Variants in GRAP2 observed in about 807,000 individuals in gnomAD.
The protein encoded by GRAP2 is GRB2 related adaptor protein 2.
A neutral mutation model predicts 43.5 loss-of-function variants in GRAP2; 31 were observed. That is an observed-to-expected ratio of 0.71 (90% confidence interval 0.54 to 0.96). GRAP2 has a LOEUF of 0.96. Among genes scored for constraint, GRAP2 ranks in the 40% least tolerant of loss-of-function variants. GRAP2 has a pLI of 0.00. For missense variants in GRAP2, 371 were observed against 424.4 expected, an observed-to-expected ratio of 0.87 and a Z score of 1.11; for synonymous variants, 156 against 164.8, an observed-to-expected ratio of 0.95 and a Z score of 0.41.
intron 1 of GRAP2, among the ~76,000 whole-genome samples, chr22:39,932,316 C>G (rs2066763481): frequency 6.6e-6 from 1 of 152,152 alleles, no homozygotes; most frequent in Non-Finnish European, 1.5e-5. Flanking sequence ...TGTATTTTAT[C>G]TGACAACCCT....
intron 1 of GRAP2, chr22:39,926,969 C>T (rs2066708633): frequency 9.8e-6 from 4 of 409,294 alleles, no homozygotes; most frequent in Non-Finnish European, 1.3e-5. Context: ...AGTTTGTCAC[C>T]CTGTGCTCAG....
intron 1 of GRAP2, among the ~76,000 whole-genome samples, chr22:39,939,263 C>T (rs909426592): frequency 3.3e-5 from 5 of 152,146 alleles, no homozygotes; most frequent in Admixed American, 2.0e-4. Context: ...GATCTCGAAC[C>T]TGAGAAGAAA....
intron 3 of GRAP2, among the ~76,000 whole-genome samples, chr22:39,956,469 T>G (rs1184856199): frequency 6.6e-6 from 1 of 151,542 alleles, no homozygotes; most frequent in Non-Finnish European, 1.5e-5. Context: ...TTTTAAGTTT[T>G]GGGTTTTTTT....
chr22:39,913,246 G>C (rs561058738), intron 1 of GRAP2, among the ~76,000 whole-genome samples: 1 of 151,706 alleles, frequency 6.6e-6, no homozygotes, highest in East Asian at 1.9e-4. Flanking sequence ...CTGGACACCA[G>C]GTATGAGCCC....
At chr22:39,951,933 C>G (rs934365571) in intron 2 of GRAP2, among the ~76,000 whole-genome samples, 1 of 151,780 alleles carries the variant, frequency 6.6e-6, no homozygotes, top group Admixed American at 6.6e-5. Flanking sequence ...GTGGGATAAT[C>G]TTTCAGTTTC....
chr22:39,926,606 A>T (rs2066701992), intron 1 of GRAP2: 3 of 985,252 alleles, frequency 3.0e-6, no homozygotes, highest in South Asian at 4.7e-5. Flanking sequence ...TCATAAAAGC[A>T]TTCTATGCTG....
rs373783351 is a variant in GRAP2 at position 39,955,958 on chromosome 22, C to T, written c.170+48C>T. The T allele has an allele frequency of 1.8e-5, 16 of 871,152 alleles. No homozygotes were observed. The African/African-American group carries it at 2.3e-4, about 13-fold the overall frequency. 54.0% of individuals were successfully genotyped at this position (871,152 alleles called of 1,614,324 possible). A position where few individuals can be genotyped will look rare whatever the true frequency, so the allele number is the denominator to read the frequency against. The stretch of plus-strand genomic sequence containing the variant: ...GATGGGCCTAGCCACACACACTCCT[C>T]TTACATTTCCAGCAGTCACTACAGT... On this transcript the variant is annotated intron_variant, in intron 3 of 7. Transcript: ENST00000344138.
At chr22:39,921,725 A>C (rs533244725) in intron 1 of GRAP2, among the ~76,000 whole-genome samples, 50 of 152,344 alleles carry the variant, frequency 3.3e-4, no homozygotes, top group South Asian at 8.3e-4. Flanking sequence ...GTCTAGGAAA[A>C]TGTGTTACTG....
the GRAP2 span, among the ~76,000 whole-genome samples, chr22:39,894,235 CTTTT>C: frequency 2.5e-4 from 38 of 150,840 alleles, 1 homozygote; most frequent in Admixed American, 2.2e-3. Context: ...CATAATATCT[CTTTT>C]TTTTTATTTA....
intron 4 of GRAP2, among the ~76,000 whole-genome samples, chr22:39,961,797 A>G (rs530295996): frequency 6.6e-6 from 1 of 152,360 alleles, no homozygotes; most frequent in South Asian, 2.1e-4. Flanking sequence ...TTTATTCAAT[A>G]TATTTTGAAA....
At chr22:39,900,934 G>C (rs978757767), upstream of GRAP2, 5 of 248,412 alleles carry the variant, frequency 2.0e-5, no homozygotes, top group Admixed American at 2.0e-4. Flanking sequence ...TGTTAAAACT[G>C]AAACCAAGCA....
At chr22:39,897,577 T>C (rs929999185), upstream of GRAP2, among the ~76,000 whole-genome samples, 2 of 147,464 alleles carry the variant, frequency 1.4e-5, no homozygotes, top group Non-Finnish European at 3.0e-5. Flanking sequence ...TGGAGTGCAA[T>C]GGCGCAATCT....
intron 2 of GRAP2, among the ~76,000 whole-genome samples, chr22:39,948,669 GA>G (rs1444035249): frequency 2.0e-5 from 3 of 151,962 alleles, no homozygotes; most frequent in Non-Finnish European, 4.4e-5. Flanking sequence ...CAACTCTCTG[GA>G]ATCTGCCTTT....
Position 39,901,131 on chromosome 22 carries a change from G to A in GRAP2, c.-214G>A. ...TAGTTTGGAGGAGGGAGTAAGAGGT[G>A]GGGAGGAGGAGGCACAGTTAATGGA... On this transcript the variant is annotated 5_prime_UTR_variant, in exon 1 of 8. Transcript: ENST00000344138. The A allele has an allele frequency of 2.3e-6, 1 of 426,556 alleles. No homozygotes were observed. Among genetic ancestry groups the A allele is most frequent in the Non-Finnish European group, 4.6e-6 (1 of 215,854 alleles). 26.4% of individuals were successfully genotyped at this position (426,556 alleles called of 1,614,324 possible).
intron 1 of GRAP2, among the ~76,000 whole-genome samples, chr22:39,921,797 ATTAT>A (rs2066655049): frequency 1.3e-5 from 2 of 151,998 alleles, no homozygotes; most frequent in Non-Finnish European, 2.9e-5. Flanking sequence ...TTTTATTTTT[ATTAT>A]TTATTTATTT....
intron 5 of GRAP2, among the ~76,000 whole-genome samples, chr22:39,966,638 T>C (rs2145679024): frequency 6.6e-6 from 1 of 151,642 alleles, no homozygotes; most frequent in South Asian, 2.1e-4. Context: ...GCATGTGGAG[T>C]TTTATGATGG....
At chr22:39,949,807 C>G (rs982840305) in intron 2 of GRAP2, among the ~76,000 whole-genome samples, 1 of 152,196 alleles carries the variant, frequency 6.6e-6, no homozygotes, top group African/African-American at 2.4e-5. Context: ...CATCCATCCC[C>G]GCTGCTTCTG....
chr22:39,918,270 T>G (rs1335036992), intron 1 of GRAP2, among the ~76,000 whole-genome samples: 2 of 152,170 alleles, frequency 1.3e-5, no homozygotes, highest in Admixed American at 1.3e-4. Flanking sequence ...GCTCCTAAGT[T>G]TGGCACCAAT....
intron 3 of GRAP2, among the ~76,000 whole-genome samples, chr22:39,957,196 G>A (rs1241788328): frequency 6.6e-6 from 1 of 152,176 alleles, no homozygotes; most frequent in East Asian, 1.9e-4. Flanking sequence ...CCAGCAAGGT[G>A]CAAGAGCACC....
Sources: gnomAD v4.1 joint callset for allele counts (sites outside exome capture counted in the v4.1 genomes callset) on GRCh38, gnomAD v4.1.1 for gene constraint, MANE v1.5 for transcripts, NCBI Gene and HGNC (gene_info 2026-07-23, HGNC 2026-07-21) for gene names.